Variants in MBNL2 observed in about 807,000 individuals in gnomAD.
The protein encoded by MBNL2 is muscleblind-like protein 2.
In MBNL2, 17 loss-of-function variants were observed where a neutral mutation model predicts 41.9. The observed-to-expected ratio is 0.41, with a 90% CI of 0.28 to 0.61. MBNL2 has a LOEUF of 0.61. Among genes scored for constraint, MBNL2 ranks in the 20% least tolerant of loss-of-function variants. The probability of loss-of-function intolerance (pLI) is 0.35; values close to 1 mark genes in which losing one functional copy is unlikely to be tolerated. For missense variants in MBNL2, 336 were observed against 505.6 expected, an observed-to-expected ratio of 0.66 and a Z score of 3.22; for synonymous variants, 195 against 182.9, an observed-to-expected ratio of 1.07 and a Z score of -0.53.
At chr13:97,335,266 TA>T (rs1328231710) in intron 3 of MBNL2, among the ~76,000 whole-genome samples, 5 of 151,972 alleles carry the variant, frequency 3.3e-5, no homozygotes, top group African/African-American at 1.2e-4. Flanking sequence ...ATTTGTGAAT[TA>T]TTTGTCAGAA....
chr13:97,225,851 G>A (rs910116042), intron 1 of MBNL2, among the ~76,000 whole-genome samples: 3 of 152,210 alleles, frequency 2.0e-5, no homozygotes, highest in Non-Finnish European at 4.4e-5. Flanking sequence ...ATCCTTTCCG[G>A]AAGGGTCGAC....
rs562128260 is a variant in MBNL2 at position 97,346,158 on chromosome 13, G to A, written c.541-646G>A. On this transcript the variant is annotated intron_variant, in intron 4 of 8. Coordinates refer to ENST00000679496, the MANE Select transcript of MBNL2 (RefSeq NM_001382683.1). This position sits in a 1 kb window ranked among gnomAD's most constrained non-coding sequence, Gnocchi z 4.2. ...GGACGGATAGATAGATGGTAGGTAG[G>A]TAGATAGATGATAGATAATATTAGG... Among the ~76,000 whole-genome samples the A allele has an allele frequency of 2.0e-5, 3 of 152,186 alleles. No homozygotes were observed. In the East Asian group the frequency reaches 5.8e-4, roughly 29 times the overall value.
At chr13:97,356,930 G>GT in intron 6 of MBNL2, 81 bp downstream of exon 6, 1 of 829,642 alleles carries the variant, frequency 1.2e-6, no homozygotes, top group Non-Finnish European at 1.7e-6. Context: ...TAAAATACTG[G>GT]TTGCAAACAA....
intron 2 of MBNL2, among the ~76,000 whole-genome samples, chr13:97,278,060 C>A (rs1197597744): frequency 3.3e-5 from 5 of 151,722 alleles, no homozygotes; most frequent in African/African-American, 1.2e-4. Flanking sequence ...TTGAGACCAG[C>A]CTGGCCAGCA....
chr13:97,184,409 T>A, the MBNL2 span, among the ~76,000 whole-genome samples: 1 of 152,128 alleles, frequency 6.6e-6, no homozygotes, highest in Non-Finnish European at 1.5e-5. Flanking sequence ...CTCTCATCTT[T>A]CCTCCCTAAG....
rs2063870040 is a variant in MBNL2 at position 97,366,685 on chromosome 13, T to C, written c.1048+1514T>C. On this transcript the variant is annotated intron_variant, in intron 8 of 8. Transcript: ENST00000679496. This position sits in a 1 kb window ranked among gnomAD's most constrained non-coding sequence, Gnocchi z 4.7. Reference sequence around the variant, plus strand: ...AAATTTTATTTTTTTAATTAGTTTATAGCAAGCATTTACAGACAGGTTGCA... The same window carrying C: ...AAATTTTATTTTTTTAATTAGTTTACAGCAAGCATTTACAGACAGGTTGCA... 1 of 710,916 alleles carries C rather than the reference T, an allele frequency of 1.4e-6. No individual in the cohort carries two copies. Among genetic ancestry groups the C allele is most frequent in the African/African-American group, 1.8e-5 (1 of 56,234 alleles). 44.0% of individuals were successfully genotyped at this position (710,916 alleles called of 1,614,324 possible). A position where few individuals can be genotyped will look rare whatever the true frequency, so the allele number is the denominator to read the frequency against.
intron 8 of MBNL2, among the ~76,000 whole-genome samples, chr13:97,377,847 A>G (rs2065096968): frequency 6.6e-6 from 1 of 152,232 alleles, no homozygotes; most frequent in Non-Finnish European, 1.5e-5. Context: ...GCCTTGGACA[A>G]AGGTATTTAA....
chr13:97,180,766 AT>A, the MBNL2 span, among the ~76,000 whole-genome samples: 18 of 139,278 alleles, frequency 1.3e-4, no homozygotes, highest in Non-Finnish European at 2.0e-4. Flanking sequence ...AAAAAAAAAC[AT>A]GTTGTACCAG....
chr13:97,381,508 T>G (rs2065449550), intron 8 of MBNL2, among the ~76,000 whole-genome samples: 2 of 151,822 alleles, frequency 1.3e-5, no homozygotes, highest in Non-Finnish European at 2.9e-5. Context: ...TCCAACAAGA[T>G]CTTGTTTCTG....
chr13:97,375,119 G>A (rs2064841928), intron 8 of MBNL2, among the ~76,000 whole-genome samples: 1 of 152,142 alleles, frequency 6.6e-6, no homozygotes, highest in African/African-American at 2.4e-5. Context: ...ACCCAAGACT[G>A]AGGCTCCACT....
the MBNL2 span, among the ~76,000 whole-genome samples, chr13:97,157,511 G>A: frequency 9.9e-6 from 1 of 100,586 alleles, no homozygotes; most frequent in Non-Finnish European, 2.0e-5. Context: ...TGCCCATTCA[G>A]TATGATATTG....
intron 8 of MBNL2, among the ~76,000 whole-genome samples, chr13:97,377,197 T>G (rs568542092): frequency 1.3e-5 from 2 of 152,292 alleles, no homozygotes; most frequent in African/African-American, 4.8e-5. Flanking sequence ...AAACTCCAGT[T>G]TAGAGAAGCT....
intron 8 of MBNL2, among the ~76,000 whole-genome samples, chr13:97,381,291 T>C (rs1322601608): frequency 6.6e-6 from 1 of 152,214 alleles, no homozygotes; most frequent in Non-Finnish European, 1.5e-5. Context: ...ACATTAATCT[T>C]ACTGTTCCTT....
intron 2 of MBNL2, among the ~76,000 whole-genome samples, chr13:97,281,519 A>C (rs1277718450): frequency 6.6e-6 from 1 of 152,192 alleles, no homozygotes; most frequent in Non-Finnish European, 1.5e-5. Flanking sequence ...GTCAAGTGTA[A>C]GTTGCTCATT....
At chr13:97,223,914 C>A (rs2041191958) in intron 1 of MBNL2, among the ~76,000 whole-genome samples, 1 of 152,200 alleles carries the variant, frequency 6.6e-6, no homozygotes, top group South Asian at 2.1e-4. Context: ...TTTATTCGAG[C>A]TTGTGGAGAG....
the MBNL2 span, among the ~76,000 whole-genome samples, chr13:97,201,228 T>C: frequency 6.6e-6 from 1 of 152,304 alleles, no homozygotes; most frequent in Admixed American, 6.5e-5. Context: ...CAAAAGACCA[T>C]CTTACCTTTA....
chr13:97,146,226 C>T, the MBNL2 span, among the ~76,000 whole-genome samples: 1 of 150,118 alleles, frequency 6.7e-6, no homozygotes, highest in East Asian at 2.0e-4. Flanking sequence ...TGGTCTTGAT[C>T]TCCTTACCTC....
At chr13:97,303,465 A>C (rs1046858855) in intron 2 of MBNL2, among the ~76,000 whole-genome samples, 1 of 152,216 alleles carries the variant, frequency 6.6e-6, no homozygotes, top group Non-Finnish European at 1.5e-5. Context: ...GGTCAGAGAC[A>C]ATCAAAATGG....
intron 1 of MBNL2, among the ~76,000 whole-genome samples, chr13:97,225,330 G>A (rs549431608): frequency 1.3e-5 from 2 of 151,946 alleles, no homozygotes; most frequent in African/African-American, 2.4e-5. Context: ...CTTTCCTACC[G>A]ATAACAAGAA....
Sources: gnomAD v4.1 joint callset for allele counts (sites outside exome capture counted in the v4.1 genomes callset) on GRCh38, gnomAD v4.1.1 for gene constraint, Gnocchi (gnomAD v3.1) non-coding constraint, MANE v1.5 for transcripts, NCBI Gene and HGNC (gene_info 2026-07-23, HGNC 2026-07-21) for gene names.